CLASP2: variants seen among roughly 807,000 people sequenced by gnomAD.
CLASP2 encodes the protein cytoplasmic linker associated protein 2, also known as CLIP-associating protein 2.
In CLASP2, 47 loss-of-function variants were observed where a neutral mutation model predicts 194.4. The observed-to-expected ratio is 0.24, with a 90% CI of 0.19 to 0.31. The LOEUF is 0.31. CLASP2 is among the 10% of genes least tolerant of loss of function. The probability of loss-of-function intolerance (pLI) is 1.00; values close to 1 mark genes in which losing one functional copy is unlikely to be tolerated. For missense variants in CLASP2, 1,445 were observed against 1,823.6 expected (o/e 0.79, Z 3.78); for synonymous variants, 619 against 633.5 (o/e 0.98, Z 0.34).
intron 21 of CLASP2, among the ~76,000 whole-genome samples, chr3:33,585,268 G>T (rs2067098526): frequency 6.6e-6 from 1 of 152,058 alleles, no homozygotes; most frequent in Non-Finnish European, 1.5e-5. Context: ...ATTTCATATG[G>T]CTATCATGTT....
intron 7 of CLASP2, among the ~76,000 whole-genome samples, chr3:33,655,194 A>G (rs1168075021): frequency 6.6e-6 from 1 of 152,158 alleles, no homozygotes; most frequent in African/African-American, 2.4e-5. Context: ...ACTATTCTAT[A>G]TGTACAAAGA....
chr3:33,501,559 T>C (rs1460403602), intron 38 of CLASP2, 93 bp downstream of exon 38: 1 of 735,708 alleles, frequency 1.4e-6, no homozygotes, highest in Non-Finnish European at 2.4e-6. Context: ...ACTTATTAAA[T>C]GCCAAATAAA....
chr3:33,517,234 G>T, intron 34 of CLASP2, 60 bp from the exon 35 acceptor site: 1 of 1,298,046 alleles, frequency 7.7e-7, no homozygotes, highest in Non-Finnish European at 1.0e-6. Flanking sequence ...ACAAGTATGG[G>T]GATAACAACT....
chr3:33,702,187 TGAAAAA>T (rs2092421453), intron 1 of CLASP2, among the ~76,000 whole-genome samples: 1 of 152,082 alleles, frequency 6.6e-6, no homozygotes, highest in African/African-American at 2.4e-5. Flanking sequence ...AAAACAAGCT[TGAAAAA>T]GAAAAAGTTG....
At chr3:33,523,909 T>C (rs1410646836) in intron 34 of CLASP2, among the ~76,000 whole-genome samples, 1 of 152,144 alleles carries the variant, frequency 6.6e-6, no homozygotes, top group Non-Finnish European at 1.5e-5. Context: ...AAATTTAGGA[T>C]ATTAAATGTA....
At chr3:33,506,671 T>G (rs1053297232) in intron 37 of CLASP2, among the ~76,000 whole-genome samples, 1 of 152,112 alleles carries the variant, frequency 6.6e-6, no homozygotes, top group African/African-American at 2.4e-5. Context: ...GTATATGGTG[T>G]GAGGTAGGGG....
intron 1 of CLASP2, among the ~76,000 whole-genome samples, chr3:33,708,580 A>AC (rs2092845086): frequency 1.4e-5 from 2 of 145,690 alleles, no homozygotes; most frequent in Non-Finnish European, 3.0e-5. Flanking sequence ...ACACACACAC[A>AC]CCCCCCACAT....
At chr3:33,674,082 A>T (rs1228159312) in intron 6 of CLASP2, among the ~76,000 whole-genome samples, 6 of 152,216 alleles carry the variant, frequency 3.9e-5, no homozygotes, top group Non-Finnish European at 1.5e-5. Flanking sequence ...TCAGCTCTGC[A>T]CCAAGCGGAC....
intron 38 of CLASP2, among the ~76,000 whole-genome samples, chr3:33,499,378 C>G (rs2046322036): frequency 1.5e-5 from 2 of 134,272 alleles, no homozygotes; most frequent in South Asian, 4.6e-4. Flanking sequence ...GAGATGGAGT[C>G]TCACTCTGTC....
chr3:33,623,569 C>T (rs1223699508), intron 10 of CLASP2, among the ~76,000 whole-genome samples: 1 of 151,880 alleles, frequency 6.6e-6, no homozygotes, highest in African/African-American at 2.4e-5. Flanking sequence ...ACATAATGTC[C>T]TCCAGTTCCA....
intron 12 of CLASP2, 42 bp downstream of exon 12, chr3:33,619,561 G>A (rs372673431): frequency 1.9e-5 from 28 of 1,479,146 alleles, no homozygotes; most frequent in Middle Eastern, 1.7e-4. Flanking sequence ...AAACAAAAGT[G>A]GGGGGAGGAG....
rs1486252830 is a variant in CLASP2 at position 33,573,183 on chromosome 3, T to A, written c.2626A>T (p.Ser876Cys). 1.2e-6 allele frequency: 2 copies of A among 1,613,934 alleles called. No individual in the cohort carries two copies. The highest frequency in any genetic ancestry group is 2.2e-5 in the South Asian group (2 of 91,082). Residue 876 changes from serine to cysteine, a missense_variant, in exon 25 of 39, where the codon AGT (serine) becomes TGT (cysteine). By Grantham distance (112) the Ser-to-Cys change is moderately radical (BLOSUM62 -1). This residue lies in a region of CLASP2 where 732 missense variants were observed against 987.9 expected (regional missense o/e 0.74). Transcript: ENST00000682230. The stretch of plus-strand genomic sequence containing the variant: ...TCTTTCCTTTCTGACCAATTGGAAC[T>A]AGCACATCTATTGAGGACTTCTGCC... Reference protein sequence around the residue: ...DVAEVLNRCASSNWSERKEGL... With the variant: ...DVAEVLNRCACSNWSERKEGL...
chr3:33,630,894 C>T (rs771008566), intron 9 of CLASP2, among the ~76,000 whole-genome samples: 24 of 152,068 alleles, frequency 1.6e-4, no homozygotes, highest in Non-Finnish European at 3.2e-4. Context: ...CTAATCTTTC[C>T]CTTATATGAA....
intron 38 of CLASP2, 146 bp from the exon 39 acceptor site, chr3:33,498,863 A>G (rs1003420427): frequency 2.2e-6 from 1 of 445,502 alleles, no homozygotes; most frequent in African/African-American, 2.0e-5. Context: ...ATTGTTGATA[A>G]TTAGGAATAA....
intron 36 of CLASP2, among the ~76,000 whole-genome samples, chr3:33,513,346 C>T (rs1460637276): frequency 2.6e-5 from 4 of 152,092 alleles, no homozygotes; most frequent in Admixed American, 6.6e-5. Context: ...CGAGACCAGC[C>T]TTGCAAACAC....
intron 30 of CLASP2, among the ~76,000 whole-genome samples, chr3:33,546,235 T>C (rs1212201672): frequency 6.6e-6 from 1 of 152,210 alleles, no homozygotes; most frequent in Admixed American, 6.5e-5. Flanking sequence ...CCAATGAGTA[T>C]ATCCTTTCCT....
Position 33,584,891 on chromosome 3 carries a change from C to T in CLASP2, c.2098G>A (p.Val700Ile), listed in dbSNP as rs2067008597. Residue 700 changes from valine to isoleucine, a missense_variant, in exon 22 of 39, where the codon GTT becomes ATT. Around this residue, in one of 4 missense-constraint regions of CLASP2, gnomAD observed 732 missense variants for 987.9 expected, o/e 0.74. Coordinates refer to ENST00000682230, the MANE Select transcript of CLASP2 (RefSeq NM_001365631.1). Reference sequence around the variant, plus strand: ...GTGGACAGGGCTGTTGTGGTCAGAACTCTTCCTGGAGACCCAGACCGGCTA... The same window carrying T: ...GTGGACAGGGCTGTTGTGGTCAGAATTCTTCCTGGAGACCCAGACCGGCTA... Reference protein sequence around the residue: ...PGSRSGSPGRVLTTTALSTVS... With the variant: ...PGSRSGSPGRILTTTALSTVS... The T allele has an allele frequency of 6.2e-7, 1 of 1,613,190 alleles. No homozygotes were observed. Among genetic ancestry groups the T allele is most frequent in the East Asian group, 2.2e-5 (1 of 44,838 alleles).
At chr3:33,697,991 A>G (rs2092078525) in intron 1 of CLASP2, among the ~76,000 whole-genome samples, 1 of 152,240 alleles carries the variant, frequency 6.6e-6, no homozygotes, top group Non-Finnish European at 1.5e-5. Flanking sequence ...ATACCTACTT[A>G]CAGGCTCTAG....
intron 1 of CLASP2, among the ~76,000 whole-genome samples, chr3:33,712,340 T>C (rs2093053607): frequency 1.3e-5 from 2 of 152,032 alleles, no homozygotes; most frequent in African/African-American, 4.8e-5. Context: ...AAAATAAACT[T>C]TGGGGATTCA....
Sources: gnomAD v4.1 joint callset for allele counts (sites outside exome capture counted in the v4.1 genomes callset) on GRCh38, gnomAD v4.1.1 for gene constraint, gnomAD v4.1.1 regional missense constraint, MANE v1.5 for transcripts, NCBI Gene and HGNC (gene_info 2026-07-23, HGNC 2026-07-21) for gene names.